CPPED1: variants seen among roughly 807,000 people sequenced by gnomAD.
CPPED1 encodes calcineurin like phosphoesterase domain containing 1.
In CPPED1, 28 loss-of-function variants were observed where a neutral mutation model predicts 28.0. The ratio of observed to expected loss-of-function variants is 1.00; its 90% CI spans 0.74 to 1.37. The LOEUF (loss-of-function observed/expected upper bound fraction) is 1.37. Ranked by LOEUF, CPPED1 falls within the 40% of genes most tolerant of loss-of-function variation. The probability of loss-of-function intolerance (pLI) is 0.00; values close to 1 mark genes in which losing one functional copy is unlikely to be tolerated. For missense variants in CPPED1, 504 were observed against 416.5 expected, an observed-to-expected ratio of 1.21 and a Z score of -1.83; for synonymous variants, 198 against 180.2, an observed-to-expected ratio of 1.10 and a Z score of -0.79.
At position 12,663,749 on chromosome 16, in the gene CPPED1, A is replaced by G. The variant is rs2079809543; in HGVS notation, c.*1137T>C. The G allele has an allele frequency of 6.6e-6, 1 of 152,206 alleles. No individual in the cohort carries two copies. Among genetic ancestry groups the G allele is most frequent in the Non-Finnish European group, 1.5e-5 (1 of 68,044 alleles). The allele number at this position is 152,206 out of a possible 1,614,324, so 9.4% of individuals were successfully genotyped here. A position where few individuals can be genotyped will look rare whatever the true frequency, so the allele number is the denominator to read the frequency against. On this transcript the variant is annotated 3_prime_UTR_variant, in exon 4 of 4. Transcript: ENST00000381774. ...ACTGAGTGCTGTTTCATAATGCTGT[A>G]TATTTTTCCTGCCAGGATTTGGAGT... is the stretch of plus-strand genomic sequence containing the variant.
intron 2 of CPPED1, among the ~76,000 whole-genome samples, chr16:12,778,456 A>C (rs2080511312): frequency 6.6e-6 from 1 of 150,930 alleles, no homozygotes; most frequent in African/African-American, 2.4e-5. Context: ...TTTGTATTTT[A>C]GTAGAGACGG....
intron 2 of CPPED1, among the ~76,000 whole-genome samples, chr16:12,750,026 T>C (rs2080317354): frequency 6.6e-6 from 1 of 152,234 alleles, no homozygotes; most frequent in South Asian, 2.1e-4. Context: ...CTTAAATACA[T>C]TAAACGTTTC....
chr16:12,725,532 G>A (rs1371349307), intron 2 of CPPED1, among the ~76,000 whole-genome samples: 1 of 152,128 alleles, frequency 6.6e-6, no homozygotes, highest in Non-Finnish European at 1.5e-5. Flanking sequence ...ATTTACGGAT[G>A]AGAAAACTGA....
chr16:12,795,701 T>C (rs1342788884), intron 1 of CPPED1, among the ~76,000 whole-genome samples: 1 of 152,218 alleles, frequency 6.6e-6, no homozygotes, highest in Non-Finnish European at 1.5e-5. Context: ...GGAGACTCCA[T>C]GGTACATGAG....
intron 2 of CPPED1, among the ~76,000 whole-genome samples, chr16:12,755,577 C>T (rs1180798842): frequency 6.6e-6 from 1 of 152,086 alleles, no homozygotes; most frequent in Non-Finnish European, 1.5e-5. Flanking sequence ...ACTACCACAC[C>T]CTGCCTCAAT....
In CPPED1 at chr16:12,789,762, A is replaced by C. The variant is rs566181656; in HGVS notation, c.71-8359T>G. 2.0e-5 allele frequency among the ~76,000 whole-genome samples: 3 copies of C among 152,246 alleles called. No homozygotes were observed. The South Asian group carries it at 6.2e-4, about 32-fold the overall frequency. ...GGCTGGTCTAGAACTCCTGAGCTCG[A>C]GTGATCAGCTCACCTTGACCTCCCA... On this transcript the variant is annotated intron_variant, in intron 1 of 3. Coordinates refer to ENST00000381774, the MANE Select transcript of CPPED1 (RefSeq NM_018340.3).
At chr16:12,750,655 A>G (rs1206056799) in intron 2 of CPPED1, among the ~76,000 whole-genome samples, 4 of 152,190 alleles carry the variant, frequency 2.6e-5, no homozygotes, top group Non-Finnish European at 5.9e-5. Context: ...ACCAAGATGT[A>G]AGAATATGCT....
chr16:12,744,092 T>C (rs767361283), intron 2 of CPPED1, among the ~76,000 whole-genome samples: 6 of 151,444 alleles, frequency 4.0e-5, no homozygotes, highest in Non-Finnish European at 8.8e-5. Flanking sequence ...CTGGCTAACA[T>C]GGTGAAACCC....
chr16:12,664,581 C>T lies in CPPED1; in HGVS notation c.*305G>A. The T allele has an allele frequency of 1.7e-5, 20 of 1,181,150 alleles. No homozygotes were observed. The highest frequency in any genetic ancestry group is 2.1e-5 in the Non-Finnish European group (20 of 954,320). The allele number at this position is 1,181,150 out of a possible 1,614,324, so 73.2% of individuals were successfully genotyped here. On this transcript the variant is annotated 3_prime_UTR_variant, in exon 4 of 4. Transcript: ENST00000381774. This position sits in a 1 kb window ranked among gnomAD's most constrained non-coding sequence, Gnocchi z 4.2. ...GACCATATGCTAACCAGAATACAAT[C>T]CAATTCAAAAGTGGAGTTGAGAAAC...
intron 3 of CPPED1, among the ~76,000 whole-genome samples, chr16:12,687,023 T>C (rs541904873): frequency 6.6e-6 from 1 of 152,296 alleles, no homozygotes; most frequent in African/African-American, 2.4e-5. Context: ...TAAGAATGCT[T>C]CTTACATTTC....
intron 2 of CPPED1, among the ~76,000 whole-genome samples, chr16:12,733,257 T>C (rs1417732855): frequency 1.3e-5 from 2 of 149,900 alleles, no homozygotes; most frequent in Non-Finnish European, 3.0e-5. Flanking sequence ...TAAATGCTGA[T>C]ACGACCCGAA....
At chr16:12,697,153 T>C (rs1035165998) in intron 3 of CPPED1, among the ~76,000 whole-genome samples, 27 of 152,234 alleles carry the variant, frequency 1.8e-4, no homozygotes, top group African/African-American at 6.3e-4. Context: ...GCCTCCCAAG[T>C]AGCTAGGACT....
At chr16:12,745,891 A>G (rs1180633276) in intron 2 of CPPED1, 3 of 152,238 alleles carry the variant, frequency 2.0e-5, no homozygotes, top group African/African-American at 7.2e-5. Context: ...ACACCAAGGC[A>G]TATTATAATC....
chr16:12,735,713 A>G (rs942558881), intron 2 of CPPED1, among the ~76,000 whole-genome samples: 2 of 152,282 alleles, frequency 1.3e-5, no homozygotes, highest in African/African-American at 4.8e-5. Flanking sequence ...GCTTAGAACA[A>G]TGCCTGGAAC....
At chr16:12,693,757 C>T (rs1302637623) in intron 3 of CPPED1, among the ~76,000 whole-genome samples, 1 of 152,192 alleles carries the variant, frequency 6.6e-6, no homozygotes, top group Non-Finnish European at 1.5e-5. Context: ...AATCTCACTG[C>T]TAATTTCAAA....
At chr16:12,741,972 G>A (rs1039981807) in intron 2 of CPPED1, among the ~76,000 whole-genome samples, 4 of 151,968 alleles carry the variant, frequency 2.6e-5, no homozygotes, top group East Asian at 3.9e-4. Context: ...AGGATGAGGC[G>A]GGACAATCGC....
chr16:12,792,110 C>T (rs576597649), intron 1 of CPPED1, among the ~76,000 whole-genome samples: 1 of 152,268 alleles, frequency 6.6e-6, no homozygotes, highest in East Asian at 1.9e-4. Context: ...CGCCACCACA[C>T]CCAGCTAATG....
chr16:12,747,196 G>C (rs1460966929), intron 2 of CPPED1, among the ~76,000 whole-genome samples: 1 of 152,028 alleles, frequency 6.6e-6, no homozygotes, highest in Non-Finnish European at 1.5e-5. Flanking sequence ...TTGGGAGACT[G>C]AGGTGGGCGG....
chr16:12,691,620 A>C (rs1377189762), intron 3 of CPPED1, among the ~76,000 whole-genome samples: 1 of 152,178 alleles, frequency 6.6e-6, no homozygotes, highest in Admixed American at 6.5e-5. Context: ...ACAGCATGGA[A>C]TACTATGCAG....
Sources: allele counts gnomAD v4.1 joint callset (sites outside exome capture counted in the v4.1 genomes callset), GRCh38; gene constraint gnomAD v4.1.1; non-coding constraint Gnocchi (gnomAD v3.1); transcripts MANE v1.5; gene names NCBI Gene and HGNC (gene_info 2026-07-23, HGNC 2026-07-21).